Variants in OR2M4 observed in about 807,000 individuals in gnomAD.
The protein encoded by OR2M4 is olfactory receptor family 2 subfamily M member 4.
In OR2M4, 8 loss-of-function variants were observed where a neutral mutation model predicts 13.7. That is an observed-to-expected ratio of 0.58 (90% CI 0.34 to 1.05). The LOEUF (loss-of-function observed/expected upper bound fraction) is 1.05, where lower values mean the gene tolerates loss of function less well. Among genes scored for constraint, OR2M4 ranks in the 50% least tolerant of loss-of-function variants. OR2M4 has a pLI of 0.02. For synonymous variants in OR2M4, 152 were observed against 141.3 expected (o/e 1.08, Z -0.53); for missense variants, 374 against 381.6 (o/e 0.98, Z 0.17).
intron 1 of OR2M4, among the ~76,000 whole-genome samples, chr1:248,234,326 T>C (rs1666535570): frequency 6.6e-6 from 1 of 152,072 alleles, no homozygotes; most frequent in Admixed American, 6.6e-5. Context: ...AGGATACATG[T>C]GCAGAACATG....
chr1:248,232,627 T>A lies in OR2M4; in HGVS notation c.-20+1047T>A, dbSNP rs139075999. On this transcript the variant is annotated intron_variant, in intron 1 of 1. Coordinates refer to ENST00000641868, the MANE Select transcript of OR2M4 (RefSeq NM_017504.2). The stretch of plus-strand genomic sequence containing the variant: ...CTCATTCTTCTCCATTTTTCATTAA[T>A]AATTGGCATAAAATCATATGGAAGA... 4.4e-3 allele frequency among the ~76,000 whole-genome samples: 665 copies of A among 152,298 alleles called. 4 individuals carry two copies. Among genetic ancestry groups the A allele is most frequent in the African/African-American group, 0.015 (619 of 41,562 alleles).
rs1282512682 is a variant in OR2M4, at chr1:248,243,692, T to C, written c.*3828T>C. The C allele has an allele frequency of 6.6e-6, 1 of 152,152 alleles. No individual in the cohort carries two copies. The highest frequency in any genetic ancestry group is 2.4e-5 in the African/African-American group (1 of 41,418). 9.4% of individuals were successfully genotyped at this position (152,152 alleles called of 1,614,324 possible). A position where few individuals can be genotyped will look rare whatever the true frequency, so the allele number is the denominator to read the frequency against. On this transcript the variant is annotated 3_prime_UTR_variant, in exon 2 of 2. Coordinates refer to ENST00000641868, the MANE Select transcript of OR2M4 (RefSeq NM_017504.2). ...TTCCCAAAAACATTTGCAACAAAAA[T>C]TGACAAGCTAGACCTAATTAAAGAG...
rs1666623291 is a variant in OR2M4, at chr1:248,241,942, C to G, written c.*2078C>G. The G allele has an allele frequency of 6.6e-6, 1 of 152,108 alleles. No individual in the cohort carries two copies. The highest frequency in any genetic ancestry group is 2.4e-5 in the African/African-American group (1 of 41,426). The allele number at this position is 152,108 out of a possible 1,614,324, so 9.4% of individuals were successfully genotyped here. The stretch of plus-strand genomic sequence containing the variant: ...GTTAAATATAAAAAGTAGTTTTTAT[C>G]ATAGCAAATGTCGCCCTAGCTATGT... On this transcript the variant is annotated 3_prime_UTR_variant, in exon 2 of 2. Coordinates refer to ENST00000641868, the MANE Select transcript of OR2M4 (RefSeq NM_017504.2).
chr1:248,234,737 A>G (rs1435306037), intron 1 of OR2M4, among the ~76,000 whole-genome samples: 1 of 146,192 alleles, frequency 6.8e-6, no homozygotes, highest in Non-Finnish European at 1.5e-5. Context: ...TGTGGTTTTG[A>G]TGTGCATTTC....
chr1:248,237,759 T>A (rs571599931), intron 1 of OR2M4, among the ~76,000 whole-genome samples: 61 of 152,284 alleles, frequency 4.0e-4, no homozygotes, highest in Admixed American at 1.8e-3. Flanking sequence ...ATAGCCAATA[T>A]CACGCTGAAT....
rs1025761598 is a variant in OR2M4 at position 248,240,980 on chromosome 1, C to T, written c.*1116C>T. 1 of 152,380 alleles carries T rather than the reference C, an allele frequency of 6.6e-6. No homozygotes were observed. The highest frequency in any genetic ancestry group is 2.1e-4 in the South Asian group (1 of 4,834). The allele number at this position is 152,380 out of a possible 1,614,324, so 9.4% of individuals were successfully genotyped here. ...GAATTACTGATCCCAGTGGTCAAAA[C>T]TTGTGTTCCCACAAACCTTGACACT... On this transcript the variant is annotated 3_prime_UTR_variant, in exon 2 of 2. Transcript: ENST00000641868.
Position 248,240,296 on chromosome 1 carries a change from A to G in OR2M4, c.*432A>G, listed in dbSNP as rs1370275481. The G allele has an allele frequency of 2.6e-5, 4 of 153,670 alleles. No individual in the cohort carries two copies. The highest frequency in any genetic ancestry group is 7.2e-5 in the African/African-American group (3 of 41,456). The allele number at this position is 153,670 out of a possible 1,614,324, so 9.5% of individuals were successfully genotyped here. Reference sequence around the variant, plus strand: ...CTCAAACCCAAGAATGACTATTTTAATACTGATTCTTCTTTACTTGACTCC... The same window carrying G: ...CTCAAACCCAAGAATGACTATTTTAGTACTGATTCTTCTTTACTTGACTCC... On this transcript the variant is annotated 3_prime_UTR_variant, in exon 2 of 2. Transcript: ENST00000641868.
chr1:248,240,709 T>C lies in OR2M4; in HGVS notation c.*845T>C, dbSNP rs1666610737. The C allele has an allele frequency of 2.0e-5, 3 of 152,184 alleles. No individual in the cohort carries two copies. The highest frequency in any genetic ancestry group is 4.4e-5 in the Non-Finnish European group (3 of 68,038). The allele number at this position is 152,184 out of a possible 1,614,324, so 9.4% of individuals were successfully genotyped here. ...AGCCTTCGTAGTACCTGGTTTTAACTTTATATCACTGAAGAGGCAGTGAAG... is the reference window on the plus strand; with the variant it reads ...AGCCTTCGTAGTACCTGGTTTTAACCTTATATCACTGAAGAGGCAGTGAAG... On this transcript the variant is annotated 3_prime_UTR_variant, in exon 2 of 2. Transcript: ENST00000641868.
chr1:248,243,710 T>G lies in OR2M4; in HGVS notation c.*3846T>G, dbSNP rs1216088761. The G allele has an allele frequency of 6.6e-6, 1 of 152,128 alleles. No homozygotes were observed. The highest frequency in any genetic ancestry group is 1.9e-4 in the East Asian group (1 of 5,192). 9.4% of individuals were successfully genotyped at this position (152,128 alleles called of 1,614,324 possible). On this transcript the variant is annotated 3_prime_UTR_variant, in exon 2 of 2. Coordinates refer to ENST00000641868, the MANE Select transcript of OR2M4 (RefSeq NM_017504.2). Reference sequence around the variant, plus strand: ...ACAAAAATTGACAAGCTAGACCTAATTAAAGAGCTTCTTCACAGCAACAGA... The same window carrying G: ...ACAAAAATTGACAAGCTAGACCTAAGTAAAGAGCTTCTTCACAGCAACAGA...
rs1666633093 is a variant in OR2M4, at chr1:248,243,107, A to C, written c.*3243A>C. ...TTTTATTAAATTTAAATGCAGACCA[A>C]GTATTTTTGAAAAAAAATTAGTGTC... is the stretch of plus-strand genomic sequence containing the variant. On this transcript the variant is annotated 3_prime_UTR_variant, in exon 2 of 2. Transcript: ENST00000641868. 1 of 152,178 alleles carries C rather than the reference A, an allele frequency of 6.6e-6. No homozygotes were observed. Among genetic ancestry groups the C allele is most frequent in the Non-Finnish European group, 1.5e-5 (1 of 68,040 alleles). 9.4% of individuals were successfully genotyped at this position (152,178 alleles called of 1,614,324 possible). A position where few individuals can be genotyped will look rare whatever the true frequency, so the allele number is the denominator to read the frequency against.
At chr1:248,233,195 C>T (rs1238334579) in intron 1 of OR2M4, among the ~76,000 whole-genome samples, 1 of 152,058 alleles carries the variant, frequency 6.6e-6, no homozygotes, top group Admixed American at 6.6e-5. Context: ...AAGATATAAA[C>T]AGAACATTTC....
At chr1:248,237,525 C>A (rs947593758) in intron 1 of OR2M4, among the ~76,000 whole-genome samples, 1 of 151,218 alleles carries the variant, frequency 6.6e-6, no homozygotes, top group Non-Finnish European at 1.5e-5. Flanking sequence ...TAGTGGCGGG[C>A]GCCTGTAATC....
Position 248,237,762 on chromosome 1 carries a change from C to T in OR2M4, c.-19-1148C>T, listed in dbSNP as rs538619520. ...TATGACAAACTCATAGCCAATATCACGCTGAATGAGCAAAACCTGGAAGCA... is the reference window on the plus strand; with the variant it reads ...TATGACAAACTCATAGCCAATATCATGCTGAATGAGCAAAACCTGGAAGCA... On this transcript the variant is annotated intron_variant, in intron 1 of 1. Coordinates refer to ENST00000641868, the MANE Select transcript of OR2M4 (RefSeq NM_017504.2). Among the ~76,000 whole-genome samples, 67 of 152,282 alleles carry T rather than the reference C, an allele frequency of 4.4e-4. 1 individual carries two copies. The South Asian group carries it at 0.012, about 27-fold the overall frequency.
At chr1:248,232,573 CACTT>C (rs1180361782) in intron 1 of OR2M4, among the ~76,000 whole-genome samples, 1 of 152,130 alleles carries the variant, frequency 6.6e-6, no homozygotes, top group Admixed American at 6.5e-5. Context: ...TTCTTCCTCT[CACTT>C]AGTCAAGTGC....
chr1:248,241,727 A>T lies in OR2M4; in HGVS notation c.*1863A>T, dbSNP rs1666621359. The T allele has an allele frequency of 1.3e-5, 2 of 151,972 alleles. No homozygotes were observed. Among genetic ancestry groups the T allele is most frequent in the Non-Finnish European group, 2.9e-5 (2 of 67,996 alleles). 9.4% of individuals were successfully genotyped at this position (151,972 alleles called of 1,614,324 possible). A position where few individuals can be genotyped will look rare whatever the true frequency, so the allele number is the denominator to read the frequency against. ...AACATGGAGAAATTTCATCTCGACT[A>T]AAAAAATACAAAATCAGCCGGGCGT... is the stretch of plus-strand genomic sequence containing the variant. On this transcript the variant is annotated 3_prime_UTR_variant, in exon 2 of 2. Coordinates refer to ENST00000641868, the MANE Select transcript of OR2M4 (RefSeq NM_017504.2).
Position 248,232,864 on chromosome 1 carries a change from G to A in OR2M4, c.-20+1284G>A, listed in dbSNP as rs182354964. Among the ~76,000 whole-genome samples the A allele has an allele frequency of 3.9e-5, 6 of 152,084 alleles. No individual in the cohort carries two copies. In the East Asian group the frequency reaches 9.7e-4, roughly 25 times the overall value. On this transcript the variant is annotated intron_variant, in intron 1 of 1. Transcript: ENST00000641868. ...TTGGATTCCCTCTACATCTCTGCAG[G>A]ATTAAAATAAAAGAAGTACCTAGAA...
intron 1 of OR2M4, among the ~76,000 whole-genome samples, chr1:248,232,338 A>C (rs1666513629): frequency 6.6e-6 from 1 of 152,126 alleles, no homozygotes; most frequent in East Asian, 1.9e-4. Context: ...GTCTAGGGAA[A>C]AGCTGGACTC....
intron 1 of OR2M4, among the ~76,000 whole-genome samples, chr1:248,234,279 A>ATT (rs566757308): frequency 6.8e-6 from 1 of 146,718 alleles, no homozygotes; most frequent in African/African-American, 2.5e-5. Context: ...TGAGTCAAAT[A>ATT]TTTTTTTTTT....
intron 1 of OR2M4, among the ~76,000 whole-genome samples, chr1:248,233,360 T>G (rs2103021469): frequency 6.6e-6 from 1 of 152,304 alleles, no homozygotes; most frequent in East Asian, 1.9e-4. Flanking sequence ...CAAATTTGAA[T>G]ATATAGCTTG....
Sources: gnomAD v4.1 joint callset for allele counts (sites outside exome capture counted in the v4.1 genomes callset) on GRCh38, gnomAD v4.1.1 for gene constraint, MANE v1.5 for transcripts, NCBI Gene and HGNC (gene_info 2026-07-23, HGNC 2026-07-21) for gene names.